Variants in NUB1 observed in about 807,000 individuals in gnomAD.
NUB1 encodes the protein NEDD8 ultimate buster 1.
In NUB1, 41 loss-of-function variants were observed where a neutral mutation model predicts 77.1. The ratio of observed to expected loss-of-function variants is 0.53; its 90% CI spans 0.41 to 0.69. The LOEUF (loss-of-function observed/expected upper bound fraction) is 0.69, where lower values mean the gene tolerates loss of function less well. Among genes scored for constraint, NUB1 ranks in the 30% least tolerant of loss-of-function variants. NUB1 has a pLI of 0.00. For synonymous variants in NUB1, 257 were observed against 281.0 expected (o/e 0.91, Z 0.85); for missense variants, 643 against 743.8 (o/e 0.86, Z 1.58).
chr7:151,345,366 A>C lies in NUB1; in HGVS notation c.17A>C (p.Tyr6Ser). 6.2e-7 allele frequency: 1 copy of C among 1,611,100 alleles called. No individual in the cohort carries two copies. Reference protein sequence around the residue: MAQKKYLQAKLTQFLR... With the variant: MAQKKSLQAKLTQFLR... ...CTTTCAGGGATGGCACAAAAGAAAT[A>C]TCTTCAAGCAAAATTGACCCAGTTT... The change falls in exon 2 of 15, where the codon TAT becomes TCT. Residue 6 changes from tyrosine to serine, a missense_variant. Physicochemically the swap from Tyr to Ser is moderately radical, Grantham distance 144. Coordinates refer to ENST00000568733, the MANE Select transcript of NUB1 (RefSeq NM_001243351.2).
rs745569456 is a variant in NUB1 at position 151,377,250 on chromosome 7, T to A, written c.*25T>A. 7.0e-7 allele frequency: 1 copy of A among 1,434,868 alleles called. No individual in the cohort carries two copies. Among genetic ancestry groups the A allele is most frequent in the Middle Eastern group, 1.9e-4 (1 of 5,194 alleles). The allele number at this position is 1,434,868 out of a possible 1,614,324, so 88.9% of individuals were successfully genotyped here. On this transcript the variant is annotated 3_prime_UTR_variant, in exon 15 of 15. Transcript: ENST00000568733. ...AATAATGAACAGAAATAGCGCTAAT[T>A]TTCTGCTTATAAATGCTATCATTAT...
At chr7:151,367,754 C>T (rs1797762692) in intron 9 of NUB1, 107 bp from the exon 10 acceptor site, 8 of 679,404 alleles carry the variant, frequency 1.2e-5, no homozygotes, top group Admixed American at 2.8e-5. Context: ...CATTTTAATA[C>T]CTATCATGTT....
At chr7:151,363,885 C>T (rs1797505764) in intron 8 of NUB1, among the ~76,000 whole-genome samples, 1 of 151,964 alleles carries the variant, frequency 6.6e-6, no homozygotes, top group South Asian at 2.1e-4. Flanking sequence ...CCTCTGCCTC[C>T]TGGGTTCAAG....
chr7:151,354,166 T>C (rs1422020885), intron 5 of NUB1, among the ~76,000 whole-genome samples: 2 of 152,306 alleles, frequency 1.3e-5, no homozygotes, highest in East Asian at 3.9e-4. Context: ...TCCTATATAA[T>C]TCATTAAATA....
chr7:151,354,284 T>C (rs994486422), intron 5 of NUB1, among the ~76,000 whole-genome samples: 7 of 151,848 alleles, frequency 4.6e-5, no homozygotes, highest in African/African-American at 1.4e-4. Flanking sequence ...TGTGGCTTTG[T>C]TGCAGTCTTA....
chr7:151,345,517 G>A (rs1320739509), intron 2 of NUB1, 51 bp downstream of exon 2: 1 of 987,352 alleles, frequency 1.0e-6, no homozygotes, highest in Non-Finnish European at 1.5e-6. Flanking sequence ...AATCTCCTTG[G>A]TAAATAAGAT....
chr7:151,345,056 T>G (rs1796439063), intron 1 of NUB1, among the ~76,000 whole-genome samples: 1 of 152,210 alleles, frequency 6.6e-6, no homozygotes, highest in Non-Finnish European at 1.5e-5. Context: ...TTATTTTCTC[T>G]TTTCTCTTAG....
rs769223407 is a variant in NUB1, at chr7:151,376,791, C to T, written c.1649C>T (p.Thr550Met). 8.8e-6 allele frequency: 14 copies of T among 1,588,978 alleles called. No individual in the cohort carries two copies. The Admixed American group carries it at 9.0e-5, about 10-fold the overall frequency. The change falls in exon 14 of 15, where the codon ACG (threonine) becomes ATG (methionine). Residue 550 changes from threonine (T) to methionine (M), a missense_variant. Coordinates refer to ENST00000568733, the MANE Select transcript of NUB1 (RefSeq NM_001243351.2). ...SPEDSLSPPA[T>M]SPSDSAGTSS... Reference sequence around the variant, plus strand: ...GAAGACTCTTTGTCCCCGCCAGCCACGTCCCCTTCTGACTCCGCAGGTAGG... The same window carrying T: ...GAAGACTCTTTGTCCCCGCCAGCCATGTCCCCTTCTGACTCCGCAGGTAGG...
chr7:151,361,520 G>A (rs1467121200), intron 8 of NUB1, among the ~76,000 whole-genome samples: 5 of 152,186 alleles, frequency 3.3e-5, no homozygotes, highest in Admixed American at 1.3e-4. Context: ...CATGGGAAAC[G>A]GTACTAAGAG....
At chr7:151,342,087 G>C in intron 1 of NUB1, 1 of 544,826 alleles carries the variant, frequency 1.8e-6, no homozygotes, top group Non-Finnish European at 2.8e-6. Context: ...GCAGAGGTGT[G>C]GGGTATTTAA....
intron 8 of NUB1, among the ~76,000 whole-genome samples, chr7:151,365,854 C>T (rs905362081): frequency 1.3e-5 from 2 of 151,668 alleles, no homozygotes; most frequent in African/African-American, 4.8e-5. Flanking sequence ...CTTTAGGAGA[C>T]TACTGTTTTA....
rs1798372196 is a variant in NUB1, at chr7:151,377,819, CCA to C, written c.*595_*596del. ...CAGCAAATGGCTTCAGCCTGGGACG[CCA>C]GTGTTTTATGCTCTTAGTTCAGTAA... is the stretch of plus-strand genomic sequence containing the variant. On this transcript the variant is annotated 3_prime_UTR_variant, in exon 15 of 15. Coordinates refer to ENST00000568733, the MANE Select transcript of NUB1 (RefSeq NM_001243351.2). 1 of 152,232 alleles carries C rather than the reference CCA, an allele frequency of 6.6e-6. No individual in the cohort carries two copies. The highest frequency in any genetic ancestry group is 2.4e-5 in the African/African-American group (1 of 41,446). 9.4% of individuals were successfully genotyped at this position (152,232 alleles called of 1,614,324 possible).
chr7:151,358,068 C>T (rs1356484057), intron 7 of NUB1, among the ~76,000 whole-genome samples: 5 of 151,846 alleles, frequency 3.3e-5, no homozygotes, highest in South Asian at 2.1e-4. Context: ...CTCCGCCTCC[C>T]GGGTTCCAGC....
At chr7:151,343,906 G>A (rs1796330188) in intron 1 of NUB1, among the ~76,000 whole-genome samples, 1 of 152,096 alleles carries the variant, frequency 6.6e-6, no homozygotes, top group African/African-American at 2.4e-5. Flanking sequence ...GTAGGGCCAG[G>A]CGCGGTGGCT....
intron 3 of NUB1, among the ~76,000 whole-genome samples, chr7:151,350,930 A>C (rs1796764815): frequency 6.6e-6 from 1 of 152,238 alleles, no homozygotes. Flanking sequence ...AAAGGAATGA[A>C]GTGCTGATGC....
At chr7:151,352,643 C>T (rs1280982690) in intron 4 of NUB1, among the ~76,000 whole-genome samples, 169 bp from the exon 5 acceptor site, 1 of 152,164 alleles carries the variant, frequency 6.6e-6, no homozygotes, top group African/African-American at 2.4e-5. Context: ...TAGGATCTCT[C>T]TGTTGCCCAG....
chr7:151,376,475 A>G (rs908954501), intron 13 of NUB1, 159 bp from the exon 14 acceptor site: 2 of 696,690 alleles, frequency 2.9e-6, no homozygotes, highest in East Asian at 2.8e-5. Flanking sequence ...AGGTTGCTCT[A>G]CGCTCACATT....
At position 151,378,055 on chromosome 7, in the gene NUB1, T is replaced by G. The variant is rs1488525172; in HGVS notation, c.*830T>G. ...GATTTAGATATATTTTCTCCAGGTT[T>G]TTTGTGGGTTTTCTTTGTTGTTGTT... On this transcript the variant is annotated 3_prime_UTR_variant, in exon 15 of 15. Transcript: ENST00000568733. The G allele has an allele frequency of 6.6e-6, 1 of 152,204 alleles. No homozygotes were observed. The highest frequency in any genetic ancestry group is 1.5e-5 in the Non-Finnish European group (1 of 68,048). The allele number at this position is 152,204 out of a possible 1,614,324, so 9.4% of individuals were successfully genotyped here.
intron 8 of NUB1, 63 bp downstream of exon 8, chr7:151,360,310 AC>A (rs3217033): frequency 0.37 from 295,968 of 790,896 alleles, 59,790 homozygotes; most frequent in Non-Finnish European, 0.42. Flanking sequence ...TATACAGAAC[AC>A]CCTGCCATGC....
Sources: gnomAD v4.1 joint callset for allele counts (sites outside exome capture counted in the v4.1 genomes callset) on GRCh38, gnomAD v4.1.1 for gene constraint, MANE v1.5 for transcripts, NCBI Gene and HGNC (gene_info 2026-07-23, HGNC 2026-07-21) for gene names.